UBP1: variants seen among roughly 807,000 people sequenced by gnomAD.
The protein encoded by UBP1 is upstream-binding protein 1.
A neutral mutation model predicts 76.1 loss-of-function variants in UBP1; 22 were observed. The ratio of observed to expected loss-of-function variants is 0.29; its 90% CI spans 0.21 to 0.41. The LOEUF is 0.41. Among genes scored for constraint, UBP1 ranks in the 10% least tolerant of loss-of-function variants. The pLI is 1.00. For missense variants in UBP1, 436 were observed against 668.1 expected, an observed-to-expected ratio of 0.65 and a Z score of 3.83; for synonymous variants, 224 against 237.1, an observed-to-expected ratio of 0.94 and a Z score of 0.51.
In UBP1 at chr3:33,400,961, C is replaced by T; in HGVS notation, c.1086+1G>A. ...GATAGTTTTAGGAGAAAGATACTTA[C>T]TTCACCAGAGGTCTGTGAAGCTCCA... On this transcript the variant is annotated splice_donor_variant, in intron 10 of 15. Transcript: ENST00000283629. LOFTEE classifies it high-confidence loss of function. 6.3e-7 allele frequency: 1 copy of T among 1,593,916 alleles called. No homozygotes were observed. The highest frequency in any genetic ancestry group is 8.5e-7 in the Non-Finnish European group (1 of 1,173,356).
At chr3:33,426,990 C>G (rs781140352) in intron 1 of UBP1, among the ~76,000 whole-genome samples, 1 of 152,204 alleles carries the variant, frequency 6.6e-6, no homozygotes, top group Admixed American at 6.5e-5. Context: ...TTATTGGAGA[C>G]AAAGTCTCAC....
At chr3:33,401,802 A>C (rs1642873642) in intron 9 of UBP1, among the ~76,000 whole-genome samples, 1 of 152,212 alleles carries the variant, frequency 6.6e-6, no homozygotes, top group African/African-American at 2.4e-5. Context: ...ATAAACTTAC[A>C]GCTCACCTTT....
At chr3:33,404,531 C>T (rs2044364323) in intron 8 of UBP1, among the ~76,000 whole-genome samples, 1 of 150,702 alleles carries the variant, frequency 6.6e-6, no homozygotes, top group Non-Finnish European at 1.5e-5. Context: ...CCTGTAGTCA[C>T]AGCTACTTGG....
At chr3:33,420,328 T>G (rs1257653034) in intron 2 of UBP1, among the ~76,000 whole-genome samples, 1 of 152,170 alleles carries the variant, frequency 6.6e-6, no homozygotes, top group African/African-American at 2.4e-5. Context: ...TTTATTAACA[T>G]TCTTTTTTCT....
chr3:33,416,497 G>A (rs2044732464), intron 3 of UBP1, among the ~76,000 whole-genome samples: 1 of 152,136 alleles, frequency 6.6e-6, no homozygotes. Flanking sequence ...GAGGCTTATA[G>A]GTTTTTGTTG....
intron 2 of UBP1, among the ~76,000 whole-genome samples, chr3:33,424,037 A>G (rs2044966618): frequency 6.6e-6 from 1 of 152,240 alleles, no homozygotes; most frequent in African/African-American, 2.4e-5. Flanking sequence ...ATGTAACAGA[A>G]CTTAATCGAC....
chr3:33,406,364 T>G (rs1282369382), intron 8 of UBP1, among the ~76,000 whole-genome samples: 1 of 152,238 alleles, frequency 6.6e-6, no homozygotes, highest in Non-Finnish European at 1.5e-5. Flanking sequence ...CTAGCAAATC[T>G]AATCATGGGT....
intron 1 of UBP1, among the ~76,000 whole-genome samples, chr3:33,426,575 T>C (rs1306524317): frequency 1.3e-5 from 2 of 152,180 alleles, no homozygotes; most frequent in Non-Finnish European, 2.9e-5. Context: ...TACCCATTAG[T>C]AGTCACTCAC....
chr3:33,430,020 T>C (rs1276193681), intron 1 of UBP1, among the ~76,000 whole-genome samples: 2 of 152,094 alleles, frequency 1.3e-5, no homozygotes, highest in Non-Finnish European at 2.9e-5. Flanking sequence ...AAAAACAACA[T>C]AGAGAACTGT....
At chr3:33,417,204 G>C (rs991238040) in intron 2 of UBP1, among the ~76,000 whole-genome samples, 1 of 152,114 alleles carries the variant, frequency 6.6e-6, no homozygotes, top group Non-Finnish European at 1.5e-5. Context: ...AGTATAGTCA[G>C]AGTTGTGCAA....
In UBP1 at chr3:33,400,944, T is replaced by C; in HGVS notation, c.1086+18A>G. On this transcript the variant is annotated intron_variant, in intron 10 of 15. Coordinates refer to ENST00000283629, the MANE Select transcript of UBP1 (RefSeq NM_014517.5). ...GAACCCTGAAAGCATCAGATAGTTT[T>C]AGGAGAAAGATACTTACTTCACCAG... The C allele has an allele frequency of 6.3e-7, 1 of 1,591,714 alleles. No individual in the cohort carries two copies. Among genetic ancestry groups the C allele is most frequent in the Non-Finnish European group, 8.5e-7 (1 of 1,172,234 alleles).
At position 33,397,139 on chromosome 3, in the gene UBP1, G is replaced by A. The variant is rs368823146; in HGVS notation, c.1181-4C>T. 63 of 1,572,750 alleles carry A rather than the reference G, an allele frequency of 4.0e-5. No homozygotes were observed. The highest frequency in any genetic ancestry group is 5.2e-5 in the Non-Finnish European group (61 of 1,165,422). ...GTCAGTTTTAATAAGTCGGCACCTA[G>A]AGAAGAGCAAAAATATTTTTCTCAA... On this transcript the variant is annotated splice_polypyrimidine_tract_variant and splice_region_variant and intron_variant, in intron 11 of 15. Transcript: ENST00000283629.
In UBP1 at chr3:33,416,763, C is replaced by T; in HGVS notation, c.337G>A (p.Val113Ile). Reference sequence around the variant, plus strand: ...TTAAAATGGACTGTCCTTACCTTTACTAATTTTCCATTGATCTCAGGCATA... The same window carrying T: ...TTAAAATGGACTGTCCTTACCTTTATTAATTTTCCATTGATCTCAGGCATA... Reference protein sequence around the residue: ...GDMPEINGKLVKSIIRVVFHD... With the variant: ...GDMPEINGKLIKSIIRVVFHD... Residue 113 changes from valine to isoleucine, a missense_variant, in exon 3 of 16, where the codon GTA becomes ATA. This residue lies in a region of UBP1 where 161 missense variants were observed against 237.9 expected (regional missense o/e 0.68). Transcript: ENST00000283629. The T allele has an allele frequency of 1.9e-6, 3 of 1,612,554 alleles. No individual in the cohort carries two copies. Among genetic ancestry groups the T allele is most frequent in the Non-Finnish European group, 2.5e-6 (3 of 1,178,820 alleles).
chr3:33,394,555 G>GCAGACATCTGCACAGTGCACAT (rs1289033868), intron 13 of UBP1, among the ~76,000 whole-genome samples: 15 of 152,232 alleles, frequency 9.9e-5, no homozygotes, highest in African/African-American at 3.1e-4. Context: ...GAACTTATCA[G>GCAGACATCTGCACAGTGCACAT]CAGACATCTG....
chr3:33,394,163 G>A (rs1388206564), intron 13 of UBP1, among the ~76,000 whole-genome samples: 1 of 149,994 alleles, frequency 6.7e-6, no homozygotes, highest in African/African-American at 2.4e-5. Flanking sequence ...ACTATGGTGG[G>A]GGCACACGCC....
At chr3:33,421,974 G>A (rs907714975) in intron 2 of UBP1, among the ~76,000 whole-genome samples, 8 of 152,070 alleles carry the variant, frequency 5.3e-5, no homozygotes, top group Admixed American at 1.3e-4. Context: ...AGCCTGGGTG[G>A]CAGAGGTTGC....
chr3:33,411,623 T>C lies in UBP1; in HGVS notation c.513A>G (p.Glu171=). 6.2e-7 allele frequency: 1 copy of C among 1,614,162 alleles called. No individual in the cohort carries two copies. ...RTNPSQLNAV[E]FLWDPAKRTS... ...TGCGTTTTGCTGGGTCCCACAGAAA[T>C]TCAACCGCATTTAACTGGCTTGGAT... Residue 171 remains glutamate, a synonymous_variant, in exon 5 of 16, where the codon GAA becomes GAG. Transcript: ENST00000283629.
Position 33,401,027 on chromosome 3 carries a change from A to G in UBP1, c.1032-11T>C, listed in dbSNP as rs1305604056. 1 of 1,581,910 alleles carries G rather than the reference A, an allele frequency of 6.3e-7. No individual in the cohort carries two copies. Among genetic ancestry groups the G allele is most frequent in the Non-Finnish European group, 8.6e-7 (1 of 1,167,796 alleles). ...GGGGAAGAAGAATTGCTGGGGAGAA[A>G]GGAGAAAGAAGGAAATGATGATTTT... is the stretch of plus-strand genomic sequence containing the variant. On this transcript the variant is annotated splice_polypyrimidine_tract_variant and intron_variant, in intron 9 of 15. Transcript: ENST00000283629.
intron 1 of UBP1, among the ~76,000 whole-genome samples, chr3:33,436,200 T>G (rs571753574): frequency 6.6e-6 from 1 of 152,360 alleles, no homozygotes; most frequent in South Asian, 2.1e-4. Context: ...ATATATACAC[T>G]GTCCAATGTT....
Sources: gnomAD v4.1 joint callset for allele counts (sites outside exome capture counted in the v4.1 genomes callset) on GRCh38, gnomAD v4.1.1 for gene constraint, gnomAD v4.1.1 regional missense constraint, MANE v1.5 for transcripts, NCBI Gene and HGNC (gene_info 2026-07-23, HGNC 2026-07-21) for gene names.